Variants in PUDP observed in about 807,000 individuals in gnomAD.
PUDP encodes pseudouridine-5'-phosphatase.
A neutral mutation model predicts 9.4 loss-of-function variants in PUDP; 8 were observed. That is an observed-to-expected ratio of 0.85 (90% CI 0.50 to 1.53). PUDP has a LOEUF of 1.53. Among genes scored for constraint, PUDP ranks in the 40% most tolerant of loss-of-function variants. The probability of loss-of-function intolerance (pLI) is 0.00; values close to 1 mark genes in which losing one functional copy is unlikely to be tolerated. For synonymous variants in PUDP, 99 were observed against 80.7 expected, an observed-to-expected ratio of 1.23 and a Z score of -1.22; for missense variants, 188 against 189.7, an observed-to-expected ratio of 0.99 and a Z score of 0.05.
chrX:7,133,067 G>A (rs1932659502), intron 1 of PUDP, among the ~76,000 whole-genome samples: 1 of 112,278 alleles, frequency 8.9e-6, no homozygotes, highest in South Asian at 3.7e-4. Context: ...GCAAGGAATT[G>A]AAGACTGGAA....
At chrX:6,774,677 G>A (rs1453351154) in intron 3 of PUDP, among the ~76,000 whole-genome samples, 1 of 111,947 alleles carries the variant, frequency 8.9e-6, no homozygotes, top group East Asian at 2.8e-4. Flanking sequence ...TGCTGTGGCT[G>A]GTTCATGGAC....
chrX:6,963,357 G>T (rs6530017), intron 3 of PUDP, among the ~76,000 whole-genome samples: 3,466 of 111,182 alleles, frequency 0.031, 134 homozygotes, highest in African/African-American at 0.11. Context: ...CTTCAGGTAA[G>T]AAAAAGCCTG....
intron 3 of PUDP, among the ~76,000 whole-genome samples, chrX:6,762,125 G>A (rs770816286): frequency 6.3e-5 from 7 of 111,608 alleles, no homozygotes; most frequent in African/African-American, 9.8e-5. Context: ...CAGGGAGGTC[G>A]AAGCTGCAGT....
chrX:7,071,209 C>T (rs972349277), intron 3 of PUDP, among the ~76,000 whole-genome samples: 4 of 111,126 alleles, frequency 3.6e-5, no homozygotes, highest in Admixed American at 9.6e-5. Context: ...ATATGCCCAG[C>T]GACAGTTTTC....
intron 3 of PUDP, among the ~76,000 whole-genome samples, chrX:6,772,535 T>C (rs902015849): frequency 2.2e-4 from 24 of 109,610 alleles, no homozygotes; most frequent in African/African-American, 6.6e-4. Flanking sequence ...TTGAATAGAT[T>C]GCACCAGTTT....
chrX:7,010,171 C>T (rs1419081084), intron 1 of PUDP, among the ~76,000 whole-genome samples: 1 of 111,588 alleles, frequency 9.0e-6, no homozygotes, highest in East Asian at 2.8e-4. Flanking sequence ...CAGAAAACAC[C>T]TCAAATTGCT....
rs375682882 is a variant in PUDP at position 6,716,121 on chromosome X, TA to T, written n.128+5295del. On this transcript the variant is annotated intron_variant and non_coding_transcript_variant, in intron 1 of 2. Transcript: ENST00000438499. Reference sequence around the variant, plus strand: ...TGTGAGCCTAAATGAATATGTTAGCTAAAAAAAAAAAAAAGGTCTCCAATTC... The same window carrying T: ...TGTGAGCCTAAATGAATATGTTAGCTAAAAAAAAAAAAAGGTCTCCAATTC... 9.7e-3 allele frequency among the ~76,000 whole-genome samples: 920 copies of T among 94,931 alleles called. 2 individuals carry two copies. Among genetic ancestry groups the T allele is most frequent in the African/African-American group, 0.017 (459 of 26,295 alleles). The allele number at this position is 94,931 out of a possible 115,157, so 82.4% of individuals were successfully genotyped here.
intron 3 of PUDP, among the ~76,000 whole-genome samples, chrX:6,742,607 AC>A (rs1454351648): frequency 8.9e-6 from 1 of 111,924 alleles, no homozygotes; most frequent in Non-Finnish European, 1.9e-5. Context: ...GACACTCTCT[AC>A]AAAAATAAAA....
At chrX:6,913,662 CTA>C (rs763068476) in intron 3 of PUDP, among the ~76,000 whole-genome samples, 1 of 111,670 alleles carries the variant, frequency 9.0e-6, no homozygotes, top group African/African-American at 3.3e-5. Context: ...TAAAATACCT[CTA>C]TTCATCTACT....
At chrX:6,743,602 G>A (rs1367122483) in intron 3 of PUDP, among the ~76,000 whole-genome samples, 1 of 112,079 alleles carries the variant, frequency 8.9e-6, no homozygotes, top group Non-Finnish European at 1.9e-5. Flanking sequence ...GGACATGAGA[G>A]CATGCAAGTT....
intron 3 of PUDP, among the ~76,000 whole-genome samples, chrX:6,782,367 T>C (rs887598137): frequency 3.6e-5 from 4 of 111,008 alleles, no homozygotes; most frequent in Admixed American, 1.9e-4. Context: ...GTCAGGAATT[T>C]GAGACCAGCC....
chrX:6,780,995 A>G (rs1341798308), intron 3 of PUDP, among the ~76,000 whole-genome samples: 1 of 111,264 alleles, frequency 9.0e-6, no homozygotes, highest in Non-Finnish European at 1.9e-5. Flanking sequence ...AGGTGGCACC[A>G]CTGCACTCCA....
intron 3 of PUDP, among the ~76,000 whole-genome samples, chrX:6,913,167 A>G (rs980907751): frequency 1.7e-4 from 19 of 111,727 alleles, no homozygotes; most frequent in Non-Finnish European, 3.0e-4. Flanking sequence ...AATTTCTACA[A>G]ATGGAATTAC....
Position 7,107,902 on chromosome X carries a change from C to T in PUDP, c.62-2064G>A, listed in dbSNP as rs934314977. The stretch of plus-strand genomic sequence containing the variant: ...TCCCAGATAGGCATGCAGAGAGCTG[C>T]CTGCACCACACGGCAGGATTCGCTG... On this transcript the variant is annotated intron_variant, in intron 1 of 3. Coordinates refer to ENST00000381077, the MANE Select transcript of PUDP (RefSeq NM_012080.5). Among the ~76,000 whole-genome samples the T allele has an allele frequency of 3.6e-5, 4 of 112,618 alleles. No homozygotes were observed. The East Asian group carries it at 1.1e-3, about 32-fold the overall frequency.
At chrX:6,777,332 AC>A (rs1030971223) in intron 3 of PUDP, among the ~76,000 whole-genome samples, 4 of 112,045 alleles carry the variant, frequency 3.6e-5, no homozygotes, top group Non-Finnish European at 7.5e-5. Flanking sequence ...ACTGCCGAGC[AC>A]AATACAACAT....
chrX:7,017,648 G>A lies in PUDP; in HGVS notation c.205-39305C>T, dbSNP rs969633694. ...CTCAGAGTTCTTCCTAGAATTGGAT[G>A]TTATATATGATCTACTTTACTCATG... On this transcript the variant is annotated intron_variant and NMD_transcript_variant, in intron 1 of 3. Transcript: ENST00000655425. 1.6e-3 allele frequency among the ~76,000 whole-genome samples: 178 copies of A among 112,140 alleles called. 2 individuals are homozygous for A. Among genetic ancestry groups the A allele is most frequent in the African/African-American group, 5.5e-3 (168 of 30,814 alleles).
chrX:7,014,287 C>T (rs1929518089), intron 1 of PUDP, among the ~76,000 whole-genome samples: 2 of 109,969 alleles, frequency 1.8e-5, no homozygotes, highest in Admixed American at 1.9e-4. Flanking sequence ...CACTTAGGGC[C>T]GCGGGTCTCC....
chrX:6,859,438 A>C (rs1177318870), intron 3 of PUDP, among the ~76,000 whole-genome samples: 1 of 111,449 alleles, frequency 9.0e-6, no homozygotes, highest in African/African-American at 3.3e-5. Context: ...GTAGTTTGAC[A>C]TTAAAGCAAG....
chrX:6,753,824 C>T (rs908606709), intron 3 of PUDP, among the ~76,000 whole-genome samples: 1 of 111,097 alleles, frequency 9.0e-6, no homozygotes, highest in East Asian at 2.8e-4. Context: ...TGGAATTGTT[C>T]GTTTTTTTCC....
Sources: gnomAD v4.1 joint callset for allele counts (sites outside exome capture counted in the v4.1 genomes callset) on GRCh38, gnomAD v4.1.1 for gene constraint, MANE v1.5 for transcripts, NCBI Gene and HGNC (gene_info 2026-07-23, HGNC 2026-07-21) for gene names.